Variants in CCDC178 observed in about 807,000 individuals in gnomAD.
The protein encoded by CCDC178 is coiled-coil domain containing 178, also known as coiled-coil domain-containing protein 178.
Under a neutral mutation model 117.4 loss-of-function variants are expected in CCDC178, and 126 were observed. That is an observed-to-expected ratio of 1.07 (90% confidence interval 0.93 to 1.24). The LOEUF is 1.24. CCDC178 is among the 50% of genes most tolerant of loss of function. The pLI is 0.00. For missense variants in CCDC178, 1,030 were observed against 986.9 expected (o/e 1.04, Z -0.59); for synonymous variants, 283 against 313.4 (o/e 0.90, Z 1.02).
At chr18:33,053,582 G>T (rs8096048) in intron 21 of CCDC178, among the ~76,000 whole-genome samples, 21,700 of 152,114 alleles carry the variant, frequency 0.14, 2,402 homozygotes, top group African/African-American at 0.31. Context: ...ATTCAACATT[G>T]TAAATTCAAA....
intron 12 of CCDC178, among the ~76,000 whole-genome samples, chr18:33,287,510 G>A (rs2060113400): frequency 6.6e-6 from 1 of 152,112 alleles, no homozygotes; most frequent in East Asian, 1.9e-4. Context: ...CAGGTGTGGT[G>A]GCTCACACCT....
chr18:33,101,820 T>C (rs1397103403), intron 20 of CCDC178, among the ~76,000 whole-genome samples: 1 of 151,964 alleles, frequency 6.6e-6, no homozygotes, highest in African/African-American at 2.4e-5. Flanking sequence ...AAGTAAAAGC[T>C]TTGAATGATT....
intron 21 of CCDC178, among the ~76,000 whole-genome samples, chr18:33,054,333 G>A (rs971721052): frequency 7.2e-5 from 11 of 152,112 alleles, no homozygotes; most frequent in African/African-American, 2.7e-4. Flanking sequence ...ATAGGTAAAT[G>A]TGTGCCATGG....
At chr18:33,262,193 AG>A (rs2059759019) in intron 14 of CCDC178, among the ~76,000 whole-genome samples, 1 of 152,236 alleles carries the variant, frequency 6.6e-6, no homozygotes, top group Non-Finnish European at 1.5e-5. Context: ...AAACAGATGA[AG>A]GAAAAAATGT....
At chr18:33,243,351 A>G (rs4605242) in intron 15 of CCDC178, among the ~76,000 whole-genome samples, 10,188 of 151,862 alleles carry the variant, frequency 0.067, 514 homozygotes, top group African/African-American at 0.14. Flanking sequence ...TAGGATCACT[A>G]TGGTTAAGAA....
chr18:33,236,503 G>A (rs2059428616), intron 15 of CCDC178, among the ~76,000 whole-genome samples: 1 of 152,142 alleles, frequency 6.6e-6, no homozygotes, highest in African/African-American at 2.4e-5. Flanking sequence ...TTTCTTAAGT[G>A]GACCAGTTTC....
intron 20 of CCDC178, among the ~76,000 whole-genome samples, chr18:33,185,332 A>G (rs1438888693): frequency 3.9e-5 from 6 of 152,032 alleles, no homozygotes. Flanking sequence ...AAAGGAAAAC[A>G]CCTTCCATGA....
In CCDC178 at chr18:33,223,021, A is replaced by G. The variant is rs1246998255; in HGVS notation, c.1932+85T>C. 3.0e-6 allele frequency: 3 copies of G among 990,912 alleles called. No individual in the cohort carries two copies. In the Admixed American group the frequency reaches 8.2e-5, roughly 27 times the overall value. The allele number at this position is 990,912 out of a possible 1,614,324, so 61.4% of individuals were successfully genotyped here. A position where few individuals can be genotyped will look rare whatever the true frequency, so the allele number is the denominator to read the frequency against. On this transcript the variant is annotated intron_variant, in intron 18 of 22. Coordinates refer to ENST00000383096, the MANE Select transcript of CCDC178 (RefSeq NM_001105528.4). ...AATCAATAAGAAATGAGACACATTC[A>G]TTTAAAATTAAACTTGCTTGAATAG... is the stretch of plus-strand genomic sequence containing the variant.
intron 12 of CCDC178, among the ~76,000 whole-genome samples, chr18:33,289,280 A>AAATCTTG (rs1396684134): frequency 2.6e-5 from 4 of 152,178 alleles, no homozygotes; most frequent in Non-Finnish European, 5.9e-5. Context: ...TGAAAATCTC[A>AAATCTTG]AATCTTGAAT....
At chr18:33,018,038 A>G (rs1051978320) in intron 21 of CCDC178, among the ~76,000 whole-genome samples, 3 of 152,096 alleles carry the variant, frequency 2.0e-5, no homozygotes, top group African/African-American at 7.2e-5. Context: ...CTTATAGCTG[A>G]TGAAGGACTT....
chr18:33,143,318 T>C (rs1457948217), intron 20 of CCDC178, among the ~76,000 whole-genome samples: 2 of 152,256 alleles, frequency 1.3e-5, no homozygotes, highest in South Asian at 2.1e-4. Context: ...AACATACACA[T>C]AGAAGCATCA....
At chr18:33,158,256 G>C (rs1057341330) in intron 20 of CCDC178, among the ~76,000 whole-genome samples, 2 of 152,118 alleles carry the variant, frequency 1.3e-5, no homozygotes, top group African/African-American at 2.4e-5. Context: ...AAAGTTCTCA[G>C]TGATCTAATT....
chr18:33,035,858 A>G (rs1364182031), intron 21 of CCDC178, among the ~76,000 whole-genome samples: 1 of 152,004 alleles, frequency 6.6e-6, no homozygotes, highest in Non-Finnish European at 1.5e-5. Context: ...ATCTGGGAGA[A>G]AAATAAAGCC....
intron 19 of CCDC178, among the ~76,000 whole-genome samples, chr18:33,213,688 A>G (rs1387982165): frequency 6.6e-6 from 1 of 152,048 alleles, no homozygotes; most frequent in Non-Finnish European, 1.5e-5. Context: ...GCAATAAAAT[A>G]ATGTTTCCTT....
intron 3 of CCDC178, among the ~76,000 whole-genome samples, chr18:33,401,606 A>T (rs2063710467): frequency 6.6e-6 from 1 of 152,242 alleles, no homozygotes; most frequent in East Asian, 1.9e-4. Context: ...AGAATTTAAA[A>T]TTTTTCAAAA....
rs138956584 is a variant in CCDC178, at chr18:33,001,706, C to T, written c.2389-27025G>A. Among the ~76,000 whole-genome samples the T allele has an allele frequency of 9.2e-5, 14 of 152,042 alleles. No homozygotes were observed. The East Asian group carries it at 2.5e-3, about 27-fold the overall frequency. On this transcript the variant is annotated intron_variant, in intron 21 of 22. Transcript: ENST00000383096. ...AATAATAACATTGAATGTAAACAGA[C>T]TAACCTCTCCAGTCAAAAGACATAG... is the stretch of plus-strand genomic sequence containing the variant.
At chr18:33,226,318 G>A (rs1373574730) in intron 16 of CCDC178, among the ~76,000 whole-genome samples, 1 of 152,134 alleles carries the variant, frequency 6.6e-6, no homozygotes, top group African/African-American at 2.4e-5. Flanking sequence ...ACCCAATCTG[G>A]ATTCCAAAGG....
intron 20 of CCDC178, among the ~76,000 whole-genome samples, chr18:33,145,332 G>A (rs776914102): frequency 7.9e-5 from 12 of 152,190 alleles, no homozygotes; most frequent in South Asian, 2.1e-4. Context: ...TTTAAAAAGA[G>A]TTTGAATTTT....
chr18:33,109,574 T>C (rs926409816), intron 20 of CCDC178, among the ~76,000 whole-genome samples: 6 of 151,578 alleles, frequency 4.0e-5, no homozygotes, highest in Non-Finnish European at 8.9e-5. Flanking sequence ...TACACCAACA[T>C]AACTAGCATC....
Sources: gnomAD v4.1 joint callset for allele counts (sites outside exome capture counted in the v4.1 genomes callset) on GRCh38, gnomAD v4.1.1 for gene constraint, MANE v1.5 for transcripts, NCBI Gene and HGNC (gene_info 2026-07-23, HGNC 2026-07-21) for gene names.